UBE4B: variants seen among roughly 807,000 people sequenced by gnomAD.
The protein encoded by UBE4B is ubiquitin conjugation factor E4 B.
Under a neutral mutation model 148.1 loss-of-function variants are expected in UBE4B, and 27 were observed. That is an observed-to-expected ratio of 0.18 (90% CI 0.13 to 0.25). The LOEUF is 0.25. Ranked by LOEUF, UBE4B falls within the 10% of genes least tolerant of loss-of-function variation. The pLI, the probability that UBE4B is intolerant of heterozygous loss-of-function variation, is 1.00. For missense variants in UBE4B, 1,170 were observed against 1,662.4 expected (o/e 0.70, Z 5.15); for synonymous variants, 596 against 619.3 (o/e 0.96, Z 0.56).
At chr1:10,116,438 C>G (rs989707332) in intron 7 of UBE4B, among the ~76,000 whole-genome samples, 2 of 152,172 alleles carry the variant, frequency 1.3e-5, no homozygotes, top group East Asian at 3.9e-4. Flanking sequence ...CTACCATACC[C>G]GGCCATATTA....
intron 1 of UBE4B, among the ~76,000 whole-genome samples, chr1:10,050,634 G>A (rs1364552572): frequency 6.6e-6 from 1 of 152,052 alleles, no homozygotes; most frequent in East Asian, 1.9e-4. Flanking sequence ...TCTGGCACAG[G>A]GCTTGGCACA....
rs547088265 is a variant in UBE4B at position 10,075,597 on chromosome 1, A to C, written c.211+3383A>C. 3.9e-5 allele frequency among the ~76,000 whole-genome samples: 6 copies of C among 152,366 alleles called. No individual in the cohort carries two copies. The South Asian group carries it at 1.2e-3, about 32-fold the overall frequency. On this transcript the variant is annotated intron_variant, in intron 2 of 27. Transcript: ENST00000343090. ...TTCTTGCCCGGGTACCTCTATGCTA[A>C]GTAGTCCTGATTATGTTTCTCACAT...
chr1:10,053,547 G>A (rs568591961), intron 1 of UBE4B, among the ~76,000 whole-genome samples: 1 of 152,120 alleles, frequency 6.6e-6, no homozygotes, highest in Non-Finnish European at 1.5e-5. Flanking sequence ...TGGGCTGGAT[G>A]TGTAAGTTTG....
At chr1:10,149,406 G>T in intron 20 of UBE4B, 124 bp downstream of exon 20, 1 of 696,872 alleles carries the variant, frequency 1.4e-6, no homozygotes, top group Admixed American at 3.6e-5. Context: ...TTAACTGAAT[G>T]CTGCCTAGAG....
intron 21 of UBE4B, among the ~76,000 whole-genome samples, chr1:10,154,300 C>A (rs946396111): frequency 5.3e-5 from 8 of 151,958 alleles, no homozygotes; most frequent in African/African-American, 1.9e-4. Context: ...TGCGTGTAAT[C>A]CCAGCAACTT....
At chr1:10,055,778 G>T (rs1644155348) in intron 1 of UBE4B, among the ~76,000 whole-genome samples, 1 of 152,118 alleles carries the variant, frequency 6.6e-6, no homozygotes, top group African/African-American at 2.4e-5. Context: ...AAATTAGCTG[G>T]GTGTGGTAGC....
intron 1 of UBE4B, among the ~76,000 whole-genome samples, chr1:10,060,513 C>T (rs1359385787): frequency 6.6e-6 from 1 of 152,126 alleles, no homozygotes; most frequent in African/African-American, 2.4e-5. Flanking sequence ...ACTGTATTTC[C>T]TCTCTGACTT....
At chr1:10,114,085 A>G (rs1247163048) in intron 7 of UBE4B, among the ~76,000 whole-genome samples, 2 of 151,850 alleles carry the variant, frequency 1.3e-5, no homozygotes, top group African/African-American at 4.8e-5. Context: ...AAAAGAAAAA[A>G]AAAAAAAAAG....
At chr1:10,146,487 A>G (rs1238012686) in intron 18 of UBE4B, among the ~76,000 whole-genome samples, 1 of 152,150 alleles carries the variant, frequency 6.6e-6, no homozygotes, top group Non-Finnish European at 1.5e-5. Flanking sequence ...AACTGCTTAA[A>G]TGTATACATC....
chr1:10,113,524 T>C (rs1030215664), intron 7 of UBE4B, among the ~76,000 whole-genome samples: 4 of 152,360 alleles, frequency 2.6e-5, no homozygotes, highest in African/African-American at 7.2e-5. Context: ...CATAGTCTTC[T>C]ACATACATTG....
At chr1:10,122,113 C>G in intron 10 of UBE4B, 37 bp downstream of exon 10, 1 of 1,436,110 alleles carries the variant, frequency 7.0e-7, no homozygotes, top group Non-Finnish European at 9.7e-7. Context: ...AAATTTTAGC[C>G]TGAGAGCCTC....
chr1:10,141,112 C>CT (rs1220967454), intron 17 of UBE4B, among the ~76,000 whole-genome samples: 1 of 152,154 alleles, frequency 6.6e-6, no homozygotes, highest in African/African-American at 2.4e-5. Context: ...ATACATAATC[C>CT]TACATAACCG....
chr1:10,154,508 C>T (rs1017021598), intron 21 of UBE4B, among the ~76,000 whole-genome samples: 1 of 151,976 alleles, frequency 6.6e-6, no homozygotes, highest in Non-Finnish European at 1.5e-5. Context: ...GTGATGTTCT[C>T]CACAGCATTA....
intron 1 of UBE4B, among the ~76,000 whole-genome samples, chr1:10,062,026 C>G (rs1644296459): frequency 6.6e-6 from 1 of 151,132 alleles, no homozygotes; most frequent in Non-Finnish European, 1.5e-5. Context: ...TCTTCTGCCT[C>G]AGCTTCCTGA....
chr1:10,083,654 A>G (rs1321419515), intron 2 of UBE4B, among the ~76,000 whole-genome samples: 1 of 152,182 alleles, frequency 6.6e-6, no homozygotes, highest in Non-Finnish European at 1.5e-5. Flanking sequence ...AGGCTCAGAC[A>G]GAAGCCCCAA....
chr1:10,176,344 C>T (rs7418410), intron 25 of UBE4B, among the ~76,000 whole-genome samples: 80,963 of 152,044 alleles, frequency 0.53, 24,588 homozygotes, highest in African/African-American at 0.85. Flanking sequence ...TTTTCAGTTA[C>T]TTTGGGTCTA....
intron 21 of UBE4B, among the ~76,000 whole-genome samples, chr1:10,157,337 G>A (rs951759571): frequency 1.3e-5 from 2 of 151,608 alleles, no homozygotes; most frequent in Non-Finnish European, 2.9e-5. Context: ...AATAAGCCAC[G>A]CGTGGTGGAT....
At chr1:10,178,507 A>T in intron 25 of UBE4B, 137 bp from the exon 26 acceptor site, 1 of 747,692 alleles carries the variant, frequency 1.3e-6, no homozygotes. Flanking sequence ...TATAAAATAT[A>T]TAAGTGTATA....
chr1:10,107,294 AGAAGAT>A, intron 7 of UBE4B: 1 of 1,289,644 alleles, frequency 7.8e-7, no homozygotes, highest in Non-Finnish European at 1.0e-6. Flanking sequence ...AAGATGAAGA[AGAAGAT>A]GATGATGATG....
Sources: allele counts gnomAD v4.1 joint callset (sites outside exome capture counted in the v4.1 genomes callset), GRCh38; gene constraint gnomAD v4.1.1; transcripts MANE v1.5; gene names NCBI Gene and HGNC (gene_info 2026-07-23, HGNC 2026-07-21).